The following SLC16A7 variants were observed in gnomAD, a reference collection of about 807,000 sequenced individuals.
The protein encoded by SLC16A7 is monocarboxylate transporter 2.
A neutral mutation model predicts 34.9 loss-of-function variants in SLC16A7; 33 were observed. That is an observed-to-expected ratio of 0.94 (90% CI 0.72 to 1.26). The LOEUF is 1.26. Among genes scored for constraint, SLC16A7 ranks in the 50% most tolerant of loss-of-function variants. SLC16A7 has a pLI of 0.00. For missense variants in SLC16A7, 573 were observed against 578.1 expected (o/e 0.99, Z 0.09); for synonymous variants, 201 against 206.6 (o/e 0.97, Z 0.23).
intron 1 of SLC16A7, among the ~76,000 whole-genome samples, chr12:59,601,243 T>C (rs992190350): frequency 1.3e-5 from 2 of 152,226 alleles, no homozygotes; most frequent in East Asian, 3.8e-4. Flanking sequence ...ATCAGATTTC[T>C]ATTGAAGCTA....
At chr12:59,661,904 G>T (rs1446258244) in intron 2 of SLC16A7, among the ~76,000 whole-genome samples, 15 of 151,938 alleles carry the variant, frequency 9.9e-5, no homozygotes, top group Non-Finnish European at 1.2e-4. Flanking sequence ...GTTTCCTTCT[G>T]CTATAAGCTA....
At chr12:59,749,586 G>A (rs944165758) in intron 3 of SLC16A7, among the ~76,000 whole-genome samples, 3 of 152,102 alleles carry the variant, frequency 2.0e-5, no homozygotes, top group African/African-American at 7.2e-5. Context: ...AATGGTCAAC[G>A]CTGTGGAAGA....
intron 2 of SLC16A7, among the ~76,000 whole-genome samples, chr12:59,658,420 G>A (rs939619223): frequency 6.6e-6 from 1 of 152,028 alleles, no homozygotes; most frequent in East Asian, 1.9e-4. Context: ...ACCTACAAAG[G>A]ATATCACTGT....
At chr12:59,663,372 A>T (rs1429527940) in intron 2 of SLC16A7, among the ~76,000 whole-genome samples, 1 of 151,044 alleles carries the variant, frequency 6.6e-6, no homozygotes, top group Non-Finnish European at 1.5e-5. Flanking sequence ...ATATAAAAAA[A>T]GTAGTTGATA....
chr12:59,775,132 G>C lies in SLC16A7; in HGVS notation c.837G>C (p.Glu279Asp). Residue 279 changes from glutamate (E) to aspartate (D), a missense_variant, in exon 5 of 6, where the codon GAG becomes GAC. Glu to Asp is a conservative substitution (Grantham distance 45). Coordinates refer to ENST00000547379, the MANE Select transcript of SLC16A7 (RefSeq NM_001270623.2). Reference sequence around the variant, plus strand: ...ATGCTAAAGACCAAGGAATTGATGAGTACTCGGCAGCTTTTCTGCTATCTG... The same window carrying C: ...ATGCTAAAGACCAAGGAATTGATGACTACTCGGCAGCTTTTCTGCTATCTG... The part of the protein sequence containing the change: ...APYAKDQGID[E>D]YSAAFLLSVM... 1.2e-6 allele frequency: 2 copies of C among 1,614,076 alleles called. No homozygotes were observed. Among genetic ancestry groups the C allele is most frequent in the Non-Finnish European group, 1.7e-6 (2 of 1,179,988 alleles).
intron 3 of SLC16A7, among the ~76,000 whole-genome samples, chr12:59,710,617 A>G (rs562737217): frequency 5.9e-5 from 9 of 152,314 alleles, no homozygotes; most frequent in Non-Finnish European, 1.2e-4. Flanking sequence ...TGACTGATAT[A>G]TGTGCCTCAG....
intron 2 of SLC16A7, among the ~76,000 whole-genome samples, chr12:59,701,312 G>GT: frequency 6.6e-6 from 1 of 150,712 alleles, no homozygotes; most frequent in Non-Finnish European, 1.5e-5. Flanking sequence ...ACTTTACTAA[G>GT]TGTTACAGAG....
intron 5 of SLC16A7, among the ~76,000 whole-genome samples, chr12:59,777,698 A>T (rs1174398182): frequency 6.6e-6 from 1 of 151,724 alleles, no homozygotes; most frequent in East Asian, 1.9e-4. Flanking sequence ...ATATGTGCAC[A>T]ATGTGCAGGT....
At chr12:59,726,387 T>C (rs1876235764) in intron 3 of SLC16A7, among the ~76,000 whole-genome samples, 2 of 152,006 alleles carry the variant, frequency 1.3e-5, no homozygotes, top group Non-Finnish European at 2.9e-5. Flanking sequence ...AAATATTAAG[T>C]GTATGGCTTT....
intron 1 of SLC16A7, among the ~76,000 whole-genome samples, chr12:59,614,827 A>AAAAAACAAAACAAAAC (rs1470551714): frequency 2.1e-5 from 3 of 141,466 alleles, no homozygotes; most frequent in African/African-American, 7.8e-5. Flanking sequence ...TTCCTACTAA[A>AAAAAACAAAACAAAAC]AAAAAAAAAA....
intron 1 of SLC16A7, among the ~76,000 whole-genome samples, chr12:59,613,789 A>G (rs1052891710): frequency 6.6e-6 from 1 of 152,192 alleles, no homozygotes; most frequent in Non-Finnish European, 1.5e-5. Flanking sequence ...TAGACAATCA[A>G]TATTTAAGTT....
chr12:59,692,389 A>G (rs971310450), intron 2 of SLC16A7, among the ~76,000 whole-genome samples: 1 of 151,992 alleles, frequency 6.6e-6, no homozygotes, highest in African/African-American at 2.4e-5. Flanking sequence ...CATTCACCCT[A>G]TTATAACTTT....
chr12:59,716,717 T>C (rs542821923), intron 3 of SLC16A7, among the ~76,000 whole-genome samples: 1 of 152,142 alleles, frequency 6.6e-6, no homozygotes, highest in Non-Finnish European at 1.5e-5. Flanking sequence ...GGTATGGTGG[T>C]GTGTGCTGTG....
chr12:59,704,329 A>C (rs747088200), intron 2 of SLC16A7, among the ~76,000 whole-genome samples: 63 of 152,158 alleles, frequency 4.1e-4, no homozygotes, highest in Non-Finnish European at 7.1e-4. Flanking sequence ...TCATGTCAAA[A>C]GGCTTTGCAT....
At position 59,727,170 on chromosome 12, in the gene SLC16A7, A is replaced by ATATATATATAATAT. The variant is rs1555174538; in HGVS notation, c.217+22152_217+22153insTATATATATAATAT. Among the ~76,000 whole-genome samples the ATATATATATAATAT allele has an allele frequency of 1.1e-3, 155 of 144,384 alleles. 3 individuals carry two copies. The highest frequency in any genetic ancestry group is 3.5e-3 in the African/African-American group (130 of 37,610). The allele number at this position is 144,384 out of a possible 152,430, so 94.7% of individuals were successfully genotyped here. A position where few individuals can be genotyped will look rare whatever the true frequency, so the allele number is the denominator to read the frequency against. ...GATGGACATATATATATATATATAT[A>ATATATATATAATAT]ATATATATATGTTGTATTTAGAAGG... On this transcript the variant is annotated intron_variant, in intron 3 of 5. Transcript: ENST00000547379.
At chr12:59,631,668 A>T (rs1285594607) in intron 1 of SLC16A7, among the ~76,000 whole-genome samples, 1 of 151,768 alleles carries the variant, frequency 6.6e-6, no homozygotes, top group African/African-American at 2.4e-5. Flanking sequence ...TGTATTGGAT[A>T]TTTTTCCTGA....
intron 2 of SLC16A7, among the ~76,000 whole-genome samples, chr12:59,678,013 A>T (rs1870443860): frequency 6.6e-6 from 1 of 152,114 alleles, no homozygotes; most frequent in Admixed American, 6.5e-5. Context: ...TGGCCTGAAT[A>T]TCACACCTGC....
chr12:59,736,572 A>G (rs1271542176), intron 3 of SLC16A7, among the ~76,000 whole-genome samples: 1 of 152,096 alleles, frequency 6.6e-6, no homozygotes, highest in Non-Finnish European at 1.5e-5. Flanking sequence ...CAGATGCTGT[A>G]TTTCCCACCA....
intron 3 of SLC16A7, among the ~76,000 whole-genome samples, chr12:59,725,386 A>G (rs1185358448): frequency 6.6e-6 from 1 of 152,128 alleles, no homozygotes; most frequent in Admixed American, 6.6e-5. Context: ...AGTGCGAGGT[A>G]GGATGAGGGT....
Sources: gnomAD v4.1 joint callset for allele counts (sites outside exome capture counted in the v4.1 genomes callset) on GRCh38, gnomAD v4.1.1 for gene constraint, MANE v1.5 for transcripts, NCBI Gene and HGNC (gene_info 2026-07-23, HGNC 2026-07-21) for gene names.